DAZL: variants seen among roughly 807,000 people sequenced by gnomAD.
The protein encoded by DAZL is deleted in azoospermia like, also known as deleted in azoospermia-like.
In DAZL, 4 loss-of-function variants were observed where a neutral mutation model predicts 45.0. The ratio of observed to expected loss-of-function variants is 0.09; its 90% CI spans 0.04 to 0.20. The LOEUF is 0.20. DAZL is among the 10% of genes least tolerant of loss of function. DAZL has a pLI of 1.00. For synonymous variants in DAZL, 122 were observed against 112.4 expected, an observed-to-expected ratio of 1.09 and a Z score of -0.54; for missense variants, 326 against 351.3, an observed-to-expected ratio of 0.93 and a Z score of 0.58.
chr3:16,588,744 T>C, intron 10 of DAZL, 31 bp from the exon 11 acceptor site: 1 of 1,588,290 alleles, frequency 6.3e-7, no homozygotes, highest in Non-Finnish European at 8.6e-7. Flanking sequence ...CCTTTTACTT[T>C]ACTGAAAATT....
chr3:16,598,172 C>T lies in DAZL; in HGVS notation c.157G>A (p.Glu53Lys), dbSNP rs759009857. The T allele has an allele frequency of 1.9e-6, 3 of 1,593,118 alleles. No individual in the cohort carries two copies. In the South Asian group the frequency reaches 3.3e-5, roughly 18 times the overall value. The change falls in exon 3 of 11, where the codon GAA becomes AAA. Residue 53 changes from glutamate to lysine, a missense_variant. Glu to Lys is a moderately conservative substitution (Grantham distance 56, BLOSUM62 1). Around this residue, in one of 3 missense-constraint regions of DAZL, gnomAD observed 81 missense variants for 89.6 expected, o/e 0.90. Transcript: ENST00000399444. ...FVGGIDVRMD[E>K]TEIRSFFARY... is the part of the protein sequence containing the mutation. ...GCAAAGAAGCTTCTAATCTCAGTTTCATCCATCTATGGAAAAGAATTGAAC... is the reference window on the plus strand; with the variant it reads ...GCAAAGAAGCTTCTAATCTCAGTTTTATCCATCTATGGAAAAGAATTGAAC...
At chr3:16,603,104 A>G (rs1291486766) in intron 1 of DAZL, among the ~76,000 whole-genome samples, 1 of 152,222 alleles carries the variant, frequency 6.6e-6, no homozygotes, top group Non-Finnish European at 1.5e-5. Flanking sequence ...GGTGTGGAAA[A>G]GAGATCACTC....
At chr3:16,596,400 T>C (rs1694600202) in intron 6 of DAZL, among the ~76,000 whole-genome samples, 1 of 151,986 alleles carries the variant, frequency 6.6e-6, no homozygotes. Flanking sequence ...AAATAAAGAA[T>C]AGCTAGATGA....
Position 16,598,519 on chromosome 3 carries a change from T to A in DAZL, c.83A>T (p.Gln28Leu). 6.2e-7 allele frequency: 1 copy of A among 1,607,780 alleles called. No homozygotes were observed. Residue 28 changes from glutamine to leucine, a missense_variant, in exon 2 of 11, where the codon CAA becomes CTA. Gln to Leu is a moderately radical substitution (Grantham distance 113). Coordinates refer to ENST00000399444, the MANE Select transcript of DAZL (RefSeq NM_001351.4). ...TTTGCCTTCTGGTAAAATATAGCCT[T>A]GGCTGGTTGCAGCTGATGAGGACTG... ...STQSSSAATS[Q>L]GYILPEGKIM...
intron 10 of DAZL, among the ~76,000 whole-genome samples, chr3:16,589,620 C>T (rs1694487902): frequency 6.6e-6 from 1 of 152,168 alleles, no homozygotes; most frequent in African/African-American, 2.4e-5. Context: ...CATTCAAATT[C>T]AATACAACAA....
intron 1 of DAZL, among the ~76,000 whole-genome samples, chr3:16,600,072 G>A (rs977846910): frequency 3.3e-5 from 5 of 151,890 alleles, no homozygotes; most frequent in Admixed American, 6.6e-5. Context: ...AATTAAGAAC[G>A]AATTGAAACA....
chr3:16,596,675 G>A (rs529278406), intron 6 of DAZL, 75 bp downstream of exon 6: 237 of 1,517,724 alleles, frequency 1.6e-4, no homozygotes, highest in Non-Finnish European at 1.9e-4. Context: ...ACTTACTACA[G>A]AAATTGGATG....
In DAZL at chr3:16,592,032, TA is replaced by T. The variant is rs1404832087; in HGVS notation, c.834+17del. Reference sequence around the variant, plus strand: ...AACAAGTGTGCTTTTTAATTGTGCGTAACTGTTATATTCATACCTTGAAGTA... The same window carrying T: ...AACAAGTGTGCTTTTTAATTGTGCGTACTGTTATATTCATACCTTGAAGTA... On this transcript the variant is annotated intron_variant, in intron 10 of 10. Transcript: ENST00000399444. The T allele has an allele frequency of 1.2e-6, 2 of 1,607,156 alleles. No individual in the cohort carries two copies. Among genetic ancestry groups the T allele is most frequent in the African/African-American group, 1.3e-5 (1 of 74,770 alleles).
chr3:16,605,350 G>A lies in DAZL; in HGVS notation c.-145C>T, dbSNP rs954622855. 4 of 1,009,018 alleles carry A rather than the reference G, an allele frequency of 4.0e-6. No homozygotes were observed. Among genetic ancestry groups the A allele is most frequent in the Non-Finnish European group, 6.3e-6 (4 of 636,826 alleles). The allele number at this position is 1,009,018 out of a possible 1,614,324, so 62.5% of individuals were successfully genotyped here. Reference sequence around the variant, plus strand: ...AAGGAGCCAAAGATGAAGAGAAAAGGAAAACCAAGAGCGGGTGACAAGGCT... The same window carrying A: ...AAGGAGCCAAAGATGAAGAGAAAAGAAAAACCAAGAGCGGGTGACAAGGCT... On this transcript the variant is annotated 5_prime_UTR_variant, in exon 1 of 11. Coordinates refer to ENST00000399444, the MANE Select transcript of DAZL (RefSeq NM_001351.4).
rs1694446715 is a variant in DAZL at position 16,586,942 on chromosome 3, C to G, written c.*1718G>C. 1 of 152,096 alleles carries G rather than the reference C, an allele frequency of 6.6e-6. No individual in the cohort carries two copies. The highest frequency in any genetic ancestry group is 2.4e-5 in the African/African-American group (1 of 41,430). The allele number at this position is 152,096 out of a possible 1,614,324, so 9.4% of individuals were successfully genotyped here. ...CCCTTACTCTTTTAAATGCTTCACT[C>G]CAACAAAGACAAAAATTTATTCCCT... is the stretch of plus-strand genomic sequence containing the variant. On this transcript the variant is annotated 3_prime_UTR_variant, in exon 11 of 11. Coordinates refer to ENST00000399444, the MANE Select transcript of DAZL (RefSeq NM_001351.4).
chr3:16,599,423 C>T (rs907038282), intron 1 of DAZL, among the ~76,000 whole-genome samples: 1 of 152,130 alleles, frequency 6.6e-6, no homozygotes, highest in African/African-American at 2.4e-5. Flanking sequence ...ACAATTTTAA[C>T]GCTGTGTTAG....
At chr3:16,592,952 G>A (rs2125044473) in intron 9 of DAZL, among the ~76,000 whole-genome samples, 1 of 152,198 alleles carries the variant, frequency 6.6e-6, no homozygotes, top group South Asian at 2.1e-4. Context: ...TTGCTCTAAT[G>A]ATAAAAAGAA....
At chr3:16,598,802 TGA>T (rs1553611146) in intron 1 of DAZL, among the ~76,000 whole-genome samples, 4 of 146,344 alleles carry the variant, frequency 2.7e-5, no homozygotes, top group South Asian at 2.1e-4. Context: ...TTTTTTTTTT[TGA>T]GAGAGTCTCG....
In DAZL at chr3:16,605,321, G is replaced by A. The variant is rs1251786740; in HGVS notation, c.-116C>T. On this transcript the variant is annotated 5_prime_UTR_variant, in exon 1 of 11. Transcript: ENST00000399444. ...GGAACCCGCTGCGCGGCTTCGAGTG[G>A]TCAAAGGAGCCAAAGATGAAGAGAA... The A allele has an allele frequency of 4.7e-6, 6 of 1,278,036 alleles. No homozygotes were observed. The highest frequency in any genetic ancestry group is 2.3e-5 in the East Asian group (1 of 43,306). 79.2% of individuals were successfully genotyped at this position (1,278,036 alleles called of 1,614,324 possible).
chr3:16,596,753 A>G lies in DAZL; in HGVS notation c.495T>C (p.Val165=). The G allele has an allele frequency of 1.2e-6, 2 of 1,613,722 alleles. No homozygotes were observed. Among genetic ancestry groups the G allele is most frequent in the Non-Finnish European group, 8.5e-7 (1 of 1,179,644 alleles). The change falls in exon 6 of 11, where the codon GTT becomes GTC. Residue 165 remains valine, a synonymous_variant. Transcript: ENST00000399444. ...TTTMNPITQY[V]QAYPTYPNSP... is the part of the protein sequence containing the mutation. ...AGGAACGTTAAGCAATTCTTACCTGAACATACTGAGTTATAGGATTCATCG... is the reference window on the plus strand; with the variant it reads ...AGGAACGTTAAGCAATTCTTACCTGGACATACTGAGTTATAGGATTCATCG...
intron 2 of DAZL, 85 bp downstream of exon 2, chr3:16,598,367 C>T (rs1694632590): frequency 1.3e-5 from 20 of 1,560,616 alleles, no homozygotes; most frequent in Admixed American, 3.4e-5. Context: ...CCATGAAGTA[C>T]AAAAAAACCT....
intron 1 of DAZL, chr3:16,604,492 G>T (rs1389319847): frequency 5.3e-6 from 8 of 1,521,850 alleles, no homozygotes; most frequent in Non-Finnish European, 7.0e-6. Flanking sequence ...GCCACACGAG[G>T]GAGCCGCCAT....
chr3:16,591,243 G>A (rs548122607), intron 10 of DAZL, among the ~76,000 whole-genome samples: 83 of 152,170 alleles, frequency 5.5e-4, no homozygotes, highest in Non-Finnish European at 1.1e-3. Context: ...GGCGGGATCA[G>A]AAATCAGATT....
intron 1 of DAZL, among the ~76,000 whole-genome samples, chr3:16,605,001 C>T (rs964495414): frequency 6.6e-6 from 1 of 152,248 alleles, no homozygotes; most frequent in Non-Finnish European, 1.5e-5. Context: ...CTTGGCGTCC[C>T]GCGCCTGCCT....
Sources: gnomAD v4.1 joint callset for allele counts (sites outside exome capture counted in the v4.1 genomes callset) on GRCh38, gnomAD v4.1.1 for gene constraint, gnomAD v4.1.1 regional missense constraint, MANE v1.5 for transcripts, NCBI Gene and HGNC (gene_info 2026-07-23, HGNC 2026-07-21) for gene names.